The following GPR63 variants were observed in gnomAD, a reference collection of about 807,000 sequenced individuals.
The protein encoded by GPR63 is probable G protein-coupled receptor 63.
GPR63 carries 12 observed loss-of-function variants against 23.1 expected under a neutral mutation model. The observed-to-expected ratio is 0.52, with a 90% CI of 0.33 to 0.84. The LOEUF (loss-of-function observed/expected upper bound fraction) is 0.84, where lower values mean the gene tolerates loss of function less well. GPR63 is among the 40% of genes least tolerant of loss of function. GPR63 has a pLI of 0.02. For synonymous variants in GPR63, 172 were observed against 191.1 expected (o/e 0.90, Z 0.82); for missense variants, 472 against 515.6 (o/e 0.92, Z 0.82).
At chr6:96,826,258 A>G (rs921647056) in intron 1 of GPR63, among the ~76,000 whole-genome samples, 9 of 152,092 alleles carry the variant, frequency 5.9e-5, no homozygotes, top group African/African-American at 2.2e-4. Flanking sequence ...TGTGACTGGC[A>G]GTGTCTTTCC....
chr6:96,820,142 T>C (rs1476233352), intron 1 of GPR63, among the ~76,000 whole-genome samples: 1 of 133,700 alleles, frequency 7.5e-6, no homozygotes. Context: ...ATATTATAAA[T>C]ATATGTTAAT....
At chr6:96,835,847 A>G (rs1036914905) in intron 1 of GPR63, among the ~76,000 whole-genome samples, 1 of 152,172 alleles carries the variant, frequency 6.6e-6, no homozygotes, top group Non-Finnish European at 1.5e-5. Context: ...ATTACAAACA[A>G]TATGTTTCCT....
intron 1 of GPR63, among the ~76,000 whole-genome samples, chr6:96,826,271 C>T (rs1774436401): frequency 6.6e-6 from 1 of 152,020 alleles, no homozygotes; most frequent in South Asian, 2.1e-4. Context: ...GTCTTTCCAG[C>T]TGGAAGATGA....
intron 1 of GPR63, among the ~76,000 whole-genome samples, chr6:96,801,030 T>C (rs1212476589): frequency 6.6e-6 from 1 of 152,234 alleles, no homozygotes; most frequent in Non-Finnish European, 1.5e-5. Context: ...TTTTGTGGTA[T>C]GGGTTTTTCC....
rs192925878 is a variant in GPR63, at chr6:96,833,296, C to T, written c.-151+3972G>A. Reference sequence around the variant, plus strand: ...ATCAACTTGAACAAAAAATCCTGCACCAGACAGCCTCAACCAAATACCATA... The same window carrying T: ...ATCAACTTGAACAAAAAATCCTGCATCAGACAGCCTCAACCAAATACCATA... On this transcript the variant is annotated intron_variant, in intron 1 of 1. Transcript: ENST00000229955. 9.2e-5 allele frequency among the ~76,000 whole-genome samples: 14 copies of T among 152,280 alleles called. 1 individual carries two copies. In the East Asian group the frequency reaches 2.1e-3, roughly 23 times the overall value.
At chr6:96,818,470 A>C (rs965056434) in intron 1 of GPR63, among the ~76,000 whole-genome samples, 5 of 152,196 alleles carry the variant, frequency 3.3e-5, no homozygotes, top group African/African-American at 1.2e-4. Context: ...ATTCAAAAAA[A>C]AAAAATTTTC....
At position 96,799,085 on chromosome 6, in the gene GPR63, C is replaced by T; in HGVS notation, c.647G>A (p.Gly216Glu). 1 of 1,614,128 alleles carries T rather than the reference C, an allele frequency of 6.2e-7. No homozygotes were observed. Among genetic ancestry groups the T allele is most frequent in the East Asian group, 2.2e-5 (1 of 44,882 alleles). ...GGAAGGTATCTGCAGGTCGGGGTTT[C>T]CTACGGCTAAAGGAAAAGCTACACA... ...SFCVAFPLAV[G>E]NPDLQIPSRA... The change falls in exon 2 of 2, where the codon GGA becomes GAA. Residue 216 changes from glycine to glutamate, a missense_variant. Coordinates refer to ENST00000229955, the MANE Select transcript of GPR63 (RefSeq NM_030784.4).
Position 96,813,806 on chromosome 6 carries a change from A to C in GPR63, c.-150-13925T>G, listed in dbSNP as rs1250499472. 1.3e-5 allele frequency among the ~76,000 whole-genome samples: 2 copies of C among 152,134 alleles called. 1 individual carries two copies. On this transcript the variant is annotated intron_variant, in intron 1 of 1. Coordinates refer to ENST00000229955, the MANE Select transcript of GPR63 (RefSeq NM_030784.4). ...AGATGTCTTCGATTATTTGATCTTT[A>C]TCTCTGAGCAGTGGCTATGATTATA... is the stretch of plus-strand genomic sequence containing the variant.
intron 1 of GPR63, among the ~76,000 whole-genome samples, chr6:96,805,201 T>C (rs1307969798): frequency 2.0e-5 from 3 of 152,156 alleles, no homozygotes; most frequent in Non-Finnish European, 4.4e-5. Context: ...ATGAGAAGCA[T>C]GGTGCCAGCA....
At chr6:96,803,758 G>A (rs1223623706) in intron 1 of GPR63, among the ~76,000 whole-genome samples, 1 of 152,132 alleles carries the variant, frequency 6.6e-6, no homozygotes, top group Admixed American at 6.6e-5. Context: ...AGGTTAAAAA[G>A]TTTCACACTT....
At chr6:96,812,553 A>C (rs1774069716) in intron 1 of GPR63, among the ~76,000 whole-genome samples, 1 of 152,170 alleles carries the variant, frequency 6.6e-6, no homozygotes, top group African/African-American at 2.4e-5. Context: ...TAGAAGTGCA[A>C]ATTAATTATA....
chr6:96,804,489 T>C (rs965726842), intron 1 of GPR63, among the ~76,000 whole-genome samples: 2 of 152,226 alleles, frequency 1.3e-5, no homozygotes, highest in African/African-American at 4.8e-5. Flanking sequence ...CTAAATTCAT[T>C]TGCACTGTTT....
intron 1 of GPR63, among the ~76,000 whole-genome samples, chr6:96,827,061 A>AC (rs397766809): frequency 2.0e-5 from 3 of 150,536 alleles, no homozygotes; most frequent in East Asian, 1.9e-4. Flanking sequence ...AAAAAAAAAA[A>AC]CCACAAAAAC....
chr6:96,816,804 T>G (rs906182270), intron 1 of GPR63, among the ~76,000 whole-genome samples: 3 of 152,092 alleles, frequency 2.0e-5, no homozygotes, highest in African/African-American at 7.2e-5. Context: ...GAAGCTGGCG[T>G]TCTGGGTTCA....
chr6:96,805,599 T>G (rs990484966), intron 1 of GPR63, among the ~76,000 whole-genome samples: 33 of 152,196 alleles, frequency 2.2e-4, no homozygotes, highest in African/African-American at 8.0e-4. Context: ...CCAGAACTCA[T>G]GCCATGGTTA....
At chr6:96,800,036 C>T (rs915727061) in intron 1 of GPR63, among the ~76,000 whole-genome samples, 155 bp from the exon 2 acceptor site, 1 of 152,118 alleles carries the variant, frequency 6.6e-6, no homozygotes, top group African/African-American at 2.4e-5. Flanking sequence ...ACTAAAATAT[C>T]GTTCTGTTAT....
chr6:96,823,579 T>A (rs1774363142), intron 1 of GPR63, among the ~76,000 whole-genome samples: 1 of 152,176 alleles, frequency 6.6e-6, no homozygotes, highest in African/African-American at 2.4e-5. Context: ...CAGTAAGGTA[T>A]TGAAGAAATT....
intron 1 of GPR63, among the ~76,000 whole-genome samples, chr6:96,812,160 T>TGCAAG (rs1415259839): frequency 1.3e-5 from 2 of 152,110 alleles, no homozygotes; most frequent in African/African-American, 4.8e-5. Context: ...TTACCTTATT[T>TGCAAG]GCAAGGCATA....
intron 1 of GPR63, among the ~76,000 whole-genome samples, chr6:96,819,594 T>G (rs1399094590): frequency 1.3e-5 from 2 of 151,712 alleles, no homozygotes; most frequent in Non-Finnish European, 2.9e-5. Flanking sequence ...AAATGGGGGT[T>G]GATAGGAGCA....
Sources: gnomAD v4.1 joint callset for allele counts (sites outside exome capture counted in the v4.1 genomes callset) on GRCh38, gnomAD v4.1.1 for gene constraint, MANE v1.5 for transcripts, NCBI Gene and HGNC (gene_info 2026-07-23, HGNC 2026-07-21) for gene names.